ADAMTS18: variants seen among roughly 807,000 people sequenced by gnomAD.
The protein encoded by ADAMTS18 is A disintegrin and metalloproteinase with thrombospondin motifs 18.
In ADAMTS18, 157 loss-of-function variants were observed where a neutral mutation model predicts 165.9. The ratio of observed to expected loss-of-function variants is 0.95; its 90% CI spans 0.83 to 1.08. The LOEUF (loss-of-function observed/expected upper bound fraction) is 1.08. ADAMTS18 is among the 50% of genes least tolerant of loss of function. The pLI is 0.00. For synonymous variants in ADAMTS18, 782 were observed against 578.2 expected, an observed-to-expected ratio of 1.35 and a Z score of -5.06; for missense variants, 2,040 against 1,534.0, an observed-to-expected ratio of 1.33 and a Z score of -5.51.
intron 10 of ADAMTS18, among the ~76,000 whole-genome samples, chr16:77,352,876 G>C (rs529458223): frequency 2.0e-5 from 3 of 152,174 alleles, no homozygotes; most frequent in African/African-American, 4.8e-5. Flanking sequence ...TTGGGAGGCC[G>C]AGGTGGGAGA....
At position 77,335,895 on chromosome 16, in the gene ADAMTS18, G is replaced by C; in HGVS notation, c.1720C>G (p.Gln574Glu). ...TCCCCAAACTTTACGCACTGGCCTT[G>C]CCGACACCACTGTGAAAAGAACGTG... ...TVCGLSMWCRQGQCVKFGELG... is the reference protein window; with the variant it reads ...TVCGLSMWCREGQCVKFGELG... The change falls in exon 12 of 23, where the codon CAA becomes GAA. Residue 574 changes from glutamine (Q) to glutamate (E), a missense_variant. Coordinates refer to ENST00000282849, the MANE Select transcript of ADAMTS18 (RefSeq NM_199355.4). The C allele has an allele frequency of 6.2e-7, 1 of 1,614,198 alleles. No homozygotes were observed. Among genetic ancestry groups the C allele is most frequent in the Non-Finnish European group, 8.5e-7 (1 of 1,180,038 alleles).
chr16:77,406,362 A>G (rs1479433903), intron 3 of ADAMTS18, among the ~76,000 whole-genome samples: 1 of 152,170 alleles, frequency 6.6e-6, no homozygotes, highest in East Asian at 1.9e-4. Flanking sequence ...TCTCAAAAGA[A>G]ACCCACAGTT....
intron 16 of ADAMTS18, among the ~76,000 whole-genome samples, chr16:77,303,830 G>A (rs963355438): frequency 1.3e-5 from 2 of 152,156 alleles, no homozygotes; most frequent in Non-Finnish European, 2.9e-5. Flanking sequence ...TTAGGAGATC[G>A]AGACCATTCT....
intron 3 of ADAMTS18, among the ~76,000 whole-genome samples, chr16:77,410,254 T>C (rs1393003940): frequency 6.6e-6 from 1 of 151,626 alleles, no homozygotes; most frequent in African/African-American, 2.4e-5. Context: ...ACCAACTGAA[T>C]TGATTTATGA....
At chr16:77,289,535 G>T (rs2055323270) in intron 21 of ADAMTS18, 124 bp from the exon 22 acceptor site, 1 of 1,137,550 alleles carries the variant, frequency 8.8e-7, no homozygotes, top group Non-Finnish European at 1.3e-6. Context: ...ATTGGCTGGA[G>T]CCAGGCACAT....
chr16:77,301,494 T>C (rs1401163311), intron 16 of ADAMTS18, among the ~76,000 whole-genome samples: 2 of 152,234 alleles, frequency 1.3e-5, no homozygotes, highest in Non-Finnish European at 2.9e-5. Flanking sequence ...TGAATATAAA[T>C]AGCTGGTTCT....
chr16:77,434,359 G>A, intron 2 of ADAMTS18, 59 bp downstream of exon 2: 1 of 1,523,506 alleles, frequency 6.6e-7, no homozygotes, highest in Non-Finnish European at 8.8e-7. Context: ...CTCTTTGGGG[G>A]AAGGAAGGGT....
Position 77,431,326 on chromosome 16 carries a change from G to A in ADAMTS18, c.464C>T (p.Ser155Phe). 6.2e-7 allele frequency: 1 copy of A among 1,614,132 alleles called. No homozygotes were observed. Among genetic ancestry groups the A allele is most frequent in the East Asian group, 2.2e-5 (1 of 44,870 alleles). The change falls in exon 3 of 23, where the codon TCC becomes TTC. Residue 155 changes from serine (S) to phenylalanine (F), a missense_variant. By Grantham distance (155) the Ser-to-Phe change is radical (BLOSUM62 -2). Coordinates refer to ENST00000282849, the MANE Select transcript of ADAMTS18 (RefSeq NM_199355.4). ...AGCACACGTAGACACAGCGACAGAG[G>A]AGGAGCTGTCATTTCTGATAAATCC... ...YQGFIRNDSS[S>F]SVAVSTCAGL... is the part of the protein sequence containing the mutation.
At chr16:77,374,107 T>A (rs2056916097) in intron 3 of ADAMTS18, among the ~76,000 whole-genome samples, 1 of 151,448 alleles carries the variant, frequency 6.6e-6, no homozygotes, top group Admixed American at 6.6e-5. Context: ...TAATCCCAGC[T>A]ACTCAGGAGG....
rs762390487 is a variant in ADAMTS18 at position 77,416,290 on chromosome 16, T to C, written c.495+15005A>G. On this transcript the variant is annotated intron_variant, in intron 3 of 22. Transcript: ENST00000282849. Reference sequence around the variant, plus strand: ...TGGAAGAGCTCAGTGGCATGCACAATAATGGAAGAGATAGGAAGTTAGATC... The same window carrying C: ...TGGAAGAGCTCAGTGGCATGCACAACAATGGAAGAGATAGGAAGTTAGATC... Among the ~76,000 whole-genome samples, 6 of 152,066 alleles carry C rather than the reference T, an allele frequency of 3.9e-5. 1 individual carries two copies. The highest frequency in any genetic ancestry group is 7.4e-5 in the Non-Finnish European group (5 of 67,998).
intron 3 of ADAMTS18, among the ~76,000 whole-genome samples, chr16:77,408,567 TAC>T (rs2057421132): frequency 6.6e-6 from 1 of 152,146 alleles, no homozygotes; most frequent in African/African-American, 2.4e-5. Flanking sequence ...ATTATGAACA[TAC>T]TGTTGAGCAA....
intron 16 of ADAMTS18, among the ~76,000 whole-genome samples, chr16:77,300,774 A>T (rs192106358): frequency 4.6e-5 from 7 of 152,324 alleles, no homozygotes; most frequent in Admixed American, 4.6e-4. Context: ...AAAACCTAGC[A>T]TGGTGAACAC....
chr16:77,420,734 A>G (rs756532533), intron 3 of ADAMTS18, among the ~76,000 whole-genome samples: 12 of 152,222 alleles, frequency 7.9e-5, no homozygotes, highest in Non-Finnish European at 1.3e-4. Context: ...TATTGTGGTA[A>G]TATTTTTTTC....
In ADAMTS18 at chr16:77,283,468, G is replaced by A. The variant is rs555708826; in HGVS notation, c.*488C>T. 5.9e-6 allele frequency: 1 copy of A among 169,908 alleles called. No homozygotes were observed. The highest frequency in any genetic ancestry group is 1.3e-5 in the Non-Finnish European group (1 of 78,668). 10.5% of individuals were successfully genotyped at this position (169,908 alleles called of 1,614,324 possible). On this transcript the variant is annotated 3_prime_UTR_variant, in exon 23 of 23. Transcript: ENST00000282849. ...TGCGAGCACCATTTGGCTTCTCATA[G>A]AACTCCTGGCTTGGGTGTTCACAGG...
chr16:77,314,200 A>C (rs565031016), intron 16 of ADAMTS18, among the ~76,000 whole-genome samples: 3 of 152,306 alleles, frequency 2.0e-5, no homozygotes, highest in East Asian at 1.9e-4. Context: ...GAGTTAACTC[A>C]ACGATCAAGG....
At chr16:77,324,735 A>G (rs2056063418) in intron 13 of ADAMTS18, among the ~76,000 whole-genome samples, 1 of 152,242 alleles carries the variant, frequency 6.6e-6, no homozygotes, top group Non-Finnish European at 1.5e-5. Context: ...CAGCCCTTGA[A>G]TTAATTCTGT....
At chr16:77,309,465 C>T (rs543649049) in intron 16 of ADAMTS18, among the ~76,000 whole-genome samples, 9 of 152,236 alleles carry the variant, frequency 5.9e-5, no homozygotes, top group African/African-American at 2.2e-4. Flanking sequence ...CCACCTGTTG[C>T]ACATGTTGAA....
chr16:77,418,947 G>A (rs911104018), intron 3 of ADAMTS18, among the ~76,000 whole-genome samples: 1 of 152,140 alleles, frequency 6.6e-6, no homozygotes, highest in African/African-American at 2.4e-5. Context: ...TCAGGAGTTC[G>A]AGATCAGCCT....
intron 9 of ADAMTS18, among the ~76,000 whole-genome samples, chr16:77,355,228 G>GTGTGTGTGTC (rs1360641561): frequency 1.3e-5 from 2 of 151,804 alleles, no homozygotes; most frequent in African/African-American, 4.8e-5. Flanking sequence ...GTGTGTGTGT[G>GTGTGTGTGTC]TGTGTATTTC....
Sources: allele counts gnomAD v4.1 joint callset (sites outside exome capture counted in the v4.1 genomes callset), GRCh38; gene constraint gnomAD v4.1.1; transcripts MANE v1.5; gene names NCBI Gene and HGNC (gene_info 2026-07-23, HGNC 2026-07-21).